TELO2: variants seen among roughly 807,000 people sequenced by gnomAD.
The protein encoded by TELO2 is telomere length regulation protein TEL2 homolog.
Under a neutral mutation model 91.0 loss-of-function variants are expected in TELO2, and 71 were observed. The ratio of observed to expected loss-of-function variants is 0.78; its 90% confidence interval spans 0.64 to 0.95. The LOEUF (loss-of-function observed/expected upper bound fraction) is 0.95. Among genes scored for constraint, TELO2 ranks in the 40% least tolerant of loss-of-function variants. The pLI, the probability that TELO2 is intolerant of heterozygous loss-of-function variation, is 0.00. For synonymous variants in TELO2, 584 were observed against 518.9 expected (o/e 1.13, Z -1.71); for missense variants, 1,183 against 1,141.3 (o/e 1.04, Z -0.53).
intron 15 of TELO2, among the ~76,000 whole-genome samples, chr16:1,504,722 T>C (rs1452841491): frequency 1.3e-5 from 2 of 151,384 alleles, no homozygotes; most frequent in Non-Finnish European, 2.9e-5. Context: ...CACGCCCGGC[T>C]AATTTTGTGT....
chr16:1,504,263 T>C (rs539934246), intron 15 of TELO2, among the ~76,000 whole-genome samples: 1 of 151,284 alleles, frequency 6.6e-6, no homozygotes, highest in African/African-American at 2.4e-5. Context: ...TGAAACCCTG[T>C]TTCTACTAAA....
In TELO2 at chr16:1,499,327, G is replaced by A; in HGVS notation, c.927G>A (p.Arg309=). 6.2e-7 allele frequency: 1 copy of A among 1,601,336 alleles called. No individual in the cohort carries two copies. Residue 309 remains arginine (R), a synonymous_variant, in exon 6 of 21, where the codon CGG becomes CGA. Transcript: ENST00000262319. ...MTQKLLFLQS[R]LTTPMLQSLL... is the part of the protein sequence containing the mutation. ...AGAAGCTTCTGTTCTTACAGTCCCG[G>A]CTCACGGTGAGGACGCCACGGAGGG...
At position 1,505,258 on chromosome 16, in the gene TELO2, G is replaced by T. The variant is rs934718353; in HGVS notation, c.1843-152G>T. On this transcript the variant is annotated intron_variant, in intron 15 of 20. Coordinates refer to ENST00000262319, the MANE Select transcript of TELO2 (RefSeq NM_016111.4). This position sits in a 1 kb window ranked among gnomAD's most constrained non-coding sequence, Gnocchi z 4.3. ...CCAAGGCGCGGTTGCTGTGAGCTAC[G>T]GGGAAGTGACTTTTCTCCTTGTTCC... The T allele has an allele frequency of 4.5e-6, 4 of 894,226 alleles. No homozygotes were observed. The African/African-American group carries it at 6.7e-5, about 15-fold the overall frequency. The allele number at this position is 894,226 out of a possible 1,614,324, so 55.4% of individuals were successfully genotyped here.
intron 3 of TELO2, 116 bp downstream of exon 3, chr16:1,495,739 C>G: frequency 7.2e-7 from 1 of 1,397,554 alleles, no homozygotes; most frequent in Non-Finnish European, 9.6e-7. Context: ...TTGATGCCGT[C>G]AGGCAGGTGG....
intron 15 of TELO2, among the ~76,000 whole-genome samples, chr16:1,504,718 C>T (rs1011601961): frequency 3.1e-4 from 47 of 151,554 alleles, no homozygotes; most frequent in African/African-American, 8.7e-4. Context: ...CCACCACGCC[C>T]GGCTAATTTT....
intron 20 of TELO2, 133 bp downstream of exon 20, chr16:1,507,849 GGTGTGTGT>G (rs560652753): frequency 0.28 from 84,516 of 298,790 alleles, 7,278 homozygotes; most frequent in East Asian, 0.44. Context: ...GTTGGCCCGG[GGTGTGTGT>G]GTGTGTGTGT....
At position 1,509,990 on chromosome 16, in the gene TELO2, G is replaced by T; in HGVS notation, c.*54G>T. On this transcript the variant is annotated 3_prime_UTR_variant, in exon 21 of 21. Coordinates refer to ENST00000262319, the MANE Select transcript of TELO2 (RefSeq NM_016111.4). ...CGCCGACAGCAAGGCAGGCGGCTGA[G>T]CAGCGGCCTGGAGCAGCAGAGCCAG... is the stretch of plus-strand genomic sequence containing the variant. 6.8e-7 allele frequency: 1 copy of T among 1,476,888 alleles called. No individual in the cohort carries two copies. The allele number at this position is 1,476,888 out of a possible 1,614,324, so 91.5% of individuals were successfully genotyped here. A position where few individuals can be genotyped will look rare whatever the true frequency, so the allele number is the denominator to read the frequency against.
At chr16:1,504,708 C>T (rs1048985672) in intron 15 of TELO2, among the ~76,000 whole-genome samples, 4 of 151,400 alleles carry the variant, frequency 2.6e-5, no homozygotes, top group African/African-American at 9.7e-5. Flanking sequence ...CAGGCGCCCG[C>T]CACCACGCCC....
chr16:1,496,936 C>A, intron 3 of TELO2, 100 bp from the exon 4 acceptor site: 1 of 1,195,576 alleles, frequency 8.4e-7, no homozygotes, highest in Non-Finnish European at 1.2e-6. Context: ...GTTTTGCTGT[C>A]GGTTGGAGTC....
intron 19 of TELO2, 58 bp downstream of exon 19, chr16:1,507,428 TTG>T (rs1187066728): frequency 5.6e-6 from 9 of 1,594,058 alleles, no homozygotes; most frequent in Non-Finnish European, 6.8e-6. Flanking sequence ...AGGGGTCTTA[TTG>T]TGGGGGCCCC....
chr16:1,502,185 T>C (rs777148473), intron 12 of TELO2, 50 bp downstream of exon 12: 6 of 1,606,606 alleles, frequency 3.7e-6, no homozygotes, highest in Non-Finnish European at 5.1e-6. Context: ...TGGGTCCCGC[T>C]CACAGCCTGG....
intron 20 of TELO2, among the ~76,000 whole-genome samples, chr16:1,508,065 T>TG (rs2039975210): frequency 6.6e-6 from 1 of 152,184 alleles, no homozygotes; most frequent in Admixed American, 6.5e-5. Context: ...TAGACCCTGT[T>TG]GGGGTCCCTC....
In TELO2 at chr16:1,505,629, G is replaced by A. The variant is rs200944402; in HGVS notation, c.2034+28G>A. 11 of 1,595,274 alleles carry A rather than the reference G, an allele frequency of 6.9e-6. No individual in the cohort carries two copies. The highest frequency in any genetic ancestry group is 4.0e-5 in the African/African-American group (3 of 74,452). ...TAGTGGCGCCTGGTCAGCTCCTCAC[G>A]GGCATGGGGACCGTGGGTGGGTGGG... On this transcript the variant is annotated intron_variant, in intron 16 of 20. Coordinates refer to ENST00000262319, the MANE Select transcript of TELO2 (RefSeq NM_016111.4). The surrounding 1 kb of genome is among the most constrained non-coding windows in gnomAD (Gnocchi z 4.3).
At position 1,507,813 on chromosome 16, in the gene TELO2, T is replaced by G. The variant is rs1191587461; in HGVS notation, c.2407+97T>G. The stretch of plus-strand genomic sequence containing the variant: ...GTGTGAGAGATGTGTCGGCCCGGGG[T>G]GTGTGTGTGTGTGTGTGTGATGTGT... On this transcript the variant is annotated intron_variant, in intron 20 of 20. Transcript: ENST00000262319. 2.2e-3 allele frequency: 742 copies of G among 337,706 alleles called. 10 individuals are homozygous for G. The South Asian group carries it at 0.026, about 12-fold the overall frequency. The allele number at this position is 337,706 out of a possible 1,614,324, so 20.9% of individuals were successfully genotyped here. A position where few individuals can be genotyped will look rare whatever the true frequency, so the allele number is the denominator to read the frequency against.
chr16:1,507,121 C>G (rs1340293833), intron 18 of TELO2, 70 bp downstream of exon 18: 1 of 1,524,180 alleles, frequency 6.6e-7, no homozygotes, highest in Non-Finnish European at 8.8e-7. Context: ...TCAGCCTCAC[C>G]TGCGCCCAGG....
intron 18 of TELO2, 52 bp from the exon 19 acceptor site, chr16:1,507,254 G>C (rs530541919): frequency 6.3e-7 from 1 of 1,593,360 alleles, no homozygotes; most frequent in African/African-American, 1.3e-5. Flanking sequence ...TGGGTGCTGG[G>C]ATGTGGGGAC....
At chr16:1,502,287 C>T (rs2141047153) in intron 12 of TELO2, 26 bp from the exon 13 acceptor site, 1 of 1,583,456 alleles carries the variant, frequency 6.3e-7, no homozygotes, top group Non-Finnish European at 8.6e-7. Flanking sequence ...CTGAGGCTGA[C>T]CGAGGCCTCT....
At chr16:1,499,159 C>T (rs1009434707) in intron 5 of TELO2, 72 bp from the exon 6 acceptor site, 32 of 1,509,476 alleles carry the variant, frequency 2.1e-5, no homozygotes, top group African/African-American at 1.2e-4. Flanking sequence ...CTGTGGGCAT[C>T]GGAGTTCACG....
rs1412142440 is a variant in TELO2 at position 1,509,877 on chromosome 16, A to C, written c.2455A>C (p.Arg819=). Residue 819 remains arginine (R), a synonymous_variant, in exon 21 of 21, where the codon AGG becomes CGG. Coordinates refer to ENST00000262319, the MANE Select transcript of TELO2 (RefSeq NM_016111.4). ...CGAGGACTGCAGGACGCTGGCACTG[A>C]GGGCCCTGCTGCTTCTGCAGAGACT... is the stretch of plus-strand genomic sequence containing the variant. ...PDEDCRTLAL[R]ALLLLQRLKN... 1 of 1,612,238 alleles carries C rather than the reference A, an allele frequency of 6.2e-7. No individual in the cohort carries two copies. The highest frequency in any genetic ancestry group is 1.3e-5 in the African/African-American group (1 of 74,892).
Sources: gnomAD v4.1 joint callset for allele counts (sites outside exome capture counted in the v4.1 genomes callset) on GRCh38, gnomAD v4.1.1 for gene constraint, Gnocchi (gnomAD v3.1) non-coding constraint, MANE v1.5 for transcripts, NCBI Gene and HGNC (gene_info 2026-07-23, HGNC 2026-07-21) for gene names.